AZIN2: variants seen among roughly 807,000 people sequenced by gnomAD.
AZIN2 encodes ODC antizyme inhibitor-2.
Under a neutral mutation model 47.8 loss-of-function variants are expected in AZIN2, and 28 were observed. The observed-to-expected ratio is 0.59, with a 90% CI of 0.43 to 0.80. The LOEUF is 0.80. Among genes scored for constraint, AZIN2 ranks in the 30% least tolerant of loss-of-function variants. The pLI is 0.00. For missense variants in AZIN2, 535 were observed against 582.5 expected, an observed-to-expected ratio of 0.92 and a Z score of 0.84; for synonymous variants, 221 against 239.4, an observed-to-expected ratio of 0.92 and a Z score of 0.71.
intron 10 of AZIN2, among the ~76,000 whole-genome samples, chr1:33,101,211 T>C (rs1252623578): frequency 6.6e-6 from 1 of 151,986 alleles, no homozygotes; most frequent in Non-Finnish European, 1.5e-5. Flanking sequence ...TTTCTTCTTT[T>C]TCTTTTTTGT....
intron 6 of AZIN2, 24 bp downstream of exon 6, chr1:33,092,246 G>C (rs574215019): frequency 1.9e-5 from 30 of 1,607,968 alleles, no homozygotes; most frequent in Non-Finnish European, 2.5e-5. Context: ...CACTCATGGG[G>C]AGGCTGGGCT....
At chr1:33,083,663 T>A (rs534771850) in intron 4 of AZIN2, 3 of 460,798 alleles carry the variant, frequency 6.5e-6, no homozygotes, top group African/African-American at 5.9e-5. Flanking sequence ...GGGGAGGGTA[T>A]TCTGCAGGAC....
the AZIN2 span, chr1:33,147,049 G>A: frequency 1.1e-6 from 1 of 945,420 alleles, no homozygotes; most frequent in Non-Finnish European, 1.6e-6. This position sits in a 1 kb window ranked among gnomAD's most constrained non-coding sequence, Gnocchi z 8.1. Context: ...ACTGGAGGCT[G>A]GAGGGTAAAC....
At chr1:33,162,337 C>G in the AZIN2 span, among the ~76,000 whole-genome samples, 2 of 152,216 alleles carry the variant, frequency 1.3e-5, no homozygotes, top group Non-Finnish European at 2.9e-5. Flanking sequence ...CTGGCAAACT[C>G]CTACTCATCC....
the AZIN2 span, among the ~76,000 whole-genome samples, chr1:33,140,953 G>C: frequency 6.6e-6 from 1 of 152,206 alleles, no homozygotes; most frequent in Non-Finnish European, 1.5e-5. This position sits in a 1 kb window ranked among gnomAD's most constrained non-coding sequence, Gnocchi z 4.0. Flanking sequence ...ACTGAAGTTT[G>C]CATGAAAAGA....
chr1:33,128,080 T>A (rs1157502080), downstream of AZIN2, among the ~76,000 whole-genome samples: 5 of 151,678 alleles, frequency 3.3e-5, no homozygotes, highest in Admixed American at 1.3e-4. Flanking sequence ...TTAACATATT[T>A]AGGTTGGGCA....
downstream of AZIN2, among the ~76,000 whole-genome samples, chr1:33,128,074 C>T (rs1350760062): frequency 6.6e-6 from 1 of 151,884 alleles, no homozygotes; most frequent in East Asian, 1.9e-4. Flanking sequence ...ATAAATTTAA[C>T]ATATTTAGGT....
At chr1:33,101,908 T>C (rs1333718122) in intron 10 of AZIN2, 1 of 778,272 alleles carries the variant, frequency 1.3e-6, no homozygotes, top group Non-Finnish European at 2.4e-6. Context: ...TTTTGGTGAG[T>C]ATGCTGCAGT....
chr1:33,146,925 A>C, the AZIN2 span: 1 of 529,848 alleles, frequency 1.9e-6, no homozygotes, highest in Non-Finnish European at 3.4e-6. Context: ...TGCCCTGAGG[A>C]GAAGCCATGT....
At chr1:33,090,721 ATTC>A (rs1229633022) in intron 5 of AZIN2, among the ~76,000 whole-genome samples, 20 of 152,288 alleles carry the variant, frequency 1.3e-4, no homozygotes, top group African/African-American at 4.8e-4. Context: ...CCTAAGGTCT[ATTC>A]TTTAGCAATT....
the AZIN2 span, among the ~76,000 whole-genome samples, chr1:33,166,788 C>G: frequency 6.6e-6 from 1 of 152,218 alleles, no homozygotes; most frequent in Admixed American, 6.5e-5. Context: ...AAAACACAAT[C>G]AGCCTCACTG....
Position 33,123,405 on chromosome 1 carries a change from C to T in AZIN2, c.*3223C>T, listed in dbSNP as rs777959470. Among the ~76,000 whole-genome samples, 57 of 152,184 alleles carry T rather than the reference C, an allele frequency of 3.7e-4. No individual in the cohort carries two copies. Among genetic ancestry groups the T allele is most frequent in the Non-Finnish European group, 2.4e-4 (16 of 68,030 alleles). ...ACTGCTGTGTCCTTATTACCTAGAA[C>T]GGAGTAGGTGTTCAAAAAGTATATG... On this transcript the variant is annotated 3_prime_UTR_variant, in exon 12 of 12. Transcript: ENST00000294517.
chr1:33,154,833 C>T, the AZIN2 span, among the ~76,000 whole-genome samples: 1 of 149,942 alleles, frequency 6.7e-6, no homozygotes, highest in Non-Finnish European at 1.5e-5. Context: ...GTGATTCACG[C>T]CTGTAATCCC....
At chr1:33,108,833 C>G (rs1022042436) in intron 10 of AZIN2, among the ~76,000 whole-genome samples, 19 of 152,196 alleles carry the variant, frequency 1.2e-4, no homozygotes, top group African/African-American at 4.6e-4. Flanking sequence ...TTATAAACAT[C>G]TATGTGTAAG....
intron 10 of AZIN2, among the ~76,000 whole-genome samples, chr1:33,110,895 C>T (rs1235145799): frequency 6.6e-6 from 1 of 152,160 alleles, no homozygotes; most frequent in Non-Finnish European, 1.5e-5. Context: ...CAGCTACCAC[C>T]CCTGGTCCTG....
chr1:33,159,090 C>G, the AZIN2 span, among the ~76,000 whole-genome samples: 2 of 151,964 alleles, frequency 1.3e-5, no homozygotes, highest in Non-Finnish European at 2.9e-5. The surrounding 1 kb of genome is among the most constrained non-coding windows in gnomAD (Gnocchi z 4.2). Flanking sequence ...GGTAATCCAC[C>G]TGCCTCGGCC....
chr1:33,094,828 T>A, intron 8 of AZIN2, 115 bp downstream of exon 8: 10 of 1,150,820 alleles, frequency 8.7e-6, no homozygotes, highest in Non-Finnish European at 1.3e-5. Context: ...ATGCAGTGCT[T>A]GGTGCTTACC....
chr1:33,126,191 C>T (rs917151492), downstream of AZIN2, among the ~76,000 whole-genome samples: 1 of 152,152 alleles, frequency 6.6e-6, no homozygotes, highest in Non-Finnish European at 1.5e-5. Context: ...TACTGTCCTT[C>T]ATGTAGATGT....
intron 10 of AZIN2, among the ~76,000 whole-genome samples, 184 bp downstream of exon 10, chr1:33,098,363 G>A (rs1177499049): frequency 6.6e-6 from 1 of 152,156 alleles, no homozygotes; most frequent in Non-Finnish European, 1.5e-5. Flanking sequence ...TTTAAAAAAT[G>A]CCTTATACTT....
Sources: allele counts gnomAD v4.1 joint callset (sites outside exome capture counted in the v4.1 genomes callset), GRCh38; gene constraint gnomAD v4.1.1; non-coding constraint Gnocchi (gnomAD v3.1); transcripts MANE v1.5; gene names NCBI Gene and HGNC (gene_info 2026-07-23, HGNC 2026-07-21).